KIF23: variants seen among roughly 807,000 people sequenced by gnomAD.
KIF23 encodes kinesin family member 23, also known as kinesin-like protein KIF23.
A neutral mutation model predicts 137.5 loss-of-function variants in KIF23; 30 were observed. The ratio of observed to expected loss-of-function variants is 0.22; its 90% CI spans 0.16 to 0.30. The LOEUF is 0.30. Among genes scored for constraint, KIF23 ranks in the 10% least tolerant of loss-of-function variants. The pLI is 1.00. For missense variants in KIF23, 920 were observed against 1,194.3 expected (o/e 0.77, Z 3.38); for synonymous variants, 367 against 391.1 (o/e 0.94, Z 0.73).
At position 69,446,113 on chromosome 15, in the gene KIF23, CTG is replaced by C. The variant is rs538195829; in HGVS notation, c.2756+24_2756+25del. ...ATGGGTAAGTAACCATCAAAAATCT[CTG>C]TATAAAAGTTGGTCATTTTCTTAGC... On this transcript the variant is annotated intron_variant, in intron 21 of 23. Coordinates refer to ENST00000679126, the MANE Select transcript of KIF23 (RefSeq NM_001367805.3). The C allele has an allele frequency of 1.7e-4, 274 of 1,599,414 alleles. 3 individuals are homozygous for C. The East Asian group carries it at 5.9e-3, about 34-fold the overall frequency.
intron 22 of KIF23, 105 bp downstream of exon 22, chr15:69,446,469 A>G: frequency 2.3e-6 from 2 of 851,660 alleles, no homozygotes; most frequent in South Asian, 3.2e-5. Context: ...CTGAGGTATA[A>G]TCTCACATTG....
In KIF23 at chr15:69,446,906, G is replaced by C; in HGVS notation, c.2874G>C (p.Gln958His). The C allele has an allele frequency of 6.2e-7, 1 of 1,614,222 alleles. No individual in the cohort carries two copies. Among genetic ancestry groups the C allele is most frequent in the Non-Finnish European group, 8.5e-7 (1 of 1,180,024 alleles). ...CTGTGGAGATGAGAGCAGGATCCCA[G>C]CTGGGACCTGGATATCAGCATCACG... The part of the protein sequence containing the change: ...SVAVEMRAGS[Q>H]LGPGYQHHAQ... Residue 958 changes from glutamine (Q) to histidine (H), a missense_variant, in exon 23 of 24, where the codon CAG (glutamine) becomes CAC (histidine). Around this residue, in one of 4 missense-constraint regions of KIF23, gnomAD observed 75 missense variants for 177.9 expected, o/e 0.42. Transcript: ENST00000679126.
At chr15:69,422,862 A>T (rs959860110) in intron 6 of KIF23, 1 of 298,730 alleles carries the variant, frequency 3.3e-6, no homozygotes, top group African/African-American at 2.3e-5. Flanking sequence ...GTGCAGTGGC[A>T]TGATCTCGGC....
chr15:69,429,978 C>T (rs934583447), intron 11 of KIF23, among the ~76,000 whole-genome samples: 5 of 152,034 alleles, frequency 3.3e-5, no homozygotes, highest in African/African-American at 9.7e-5. Flanking sequence ...GATCTCACCA[C>T]TGTACTCCAG....
At position 69,414,360 on chromosome 15, in the gene KIF23, C is replaced by T. The variant is rs1050173808; in HGVS notation, c.-106C>T. 17 of 1,486,758 alleles carry T rather than the reference C, an allele frequency of 1.1e-5. No individual in the cohort carries two copies. Among genetic ancestry groups the T allele is most frequent in the Non-Finnish European group, 1.5e-5 (16 of 1,098,496 alleles). The allele number at this position is 1,486,758 out of a possible 1,614,324, so 92.1% of individuals were successfully genotyped here. ...TCGCCGCCGGCTTCGCAGAGCACCG[C>T]GCCTTAGCCGCGAAGTTCTAGTTCT... is the stretch of plus-strand genomic sequence containing the variant. On this transcript the variant is annotated 5_prime_UTR_variant, in exon 1 of 24. Coordinates refer to ENST00000679126, the MANE Select transcript of KIF23 (RefSeq NM_001367805.3).
Position 69,447,818 on chromosome 15 carries a change from C to T in KIF23, c.*11C>T. On this transcript the variant is annotated 3_prime_UTR_variant, in exon 24 of 24. Coordinates refer to ENST00000679126, the MANE Select transcript of KIF23 (RefSeq NM_001367805.3). The stretch of plus-strand genomic sequence containing the variant: ...CGCAAAAAGCCATGAACTGACAGTC[C>T]CAGTACTGAAAGAACATTTTCATTT... 6.2e-7 allele frequency: 1 copy of T among 1,605,176 alleles called. No homozygotes were observed. Among genetic ancestry groups the T allele is most frequent in the Non-Finnish European group, 8.5e-7 (1 of 1,173,608 alleles).
intron 3 of KIF23, among the ~76,000 whole-genome samples, chr15:69,420,259 G>C (rs896973214): frequency 3.3e-5 from 5 of 151,306 alleles, no homozygotes; most frequent in Non-Finnish European, 7.4e-5. Context: ...GTGAGACTCT[G>C]TTTCAAAAAA....
chr15:69,434,876 G>A (rs1428452569), intron 11 of KIF23: 14 of 747,216 alleles, frequency 1.9e-5, no homozygotes, highest in African/African-American at 8.7e-5. Context: ...CCATAGCTGC[G>A]CGGCCATGCT....
rs186393489 is a variant in KIF23 at position 69,443,229 on chromosome 15, A to C, written c.2422-1561A>C. ...TAGCGAAAATGATTCAGTTCCTCAGATGTGCATTTTGAAATTGAGGTCTTC... is the reference window on the plus strand; with the variant it reads ...TAGCGAAAATGATTCAGTTCCTCAGCTGTGCATTTTGAAATTGAGGTCTTC... On this transcript the variant is annotated intron_variant, in intron 19 of 23. Transcript: ENST00000679126. Among the ~76,000 whole-genome samples, 754 of 149,208 alleles carry C rather than the reference A, an allele frequency of 5.1e-3. 8 individuals are homozygous for C. Among genetic ancestry groups the C allele is most frequent in the African/African-American group, 0.018 (732 of 40,842 alleles).
Position 69,423,239 on chromosome 15 carries a change from T to C in KIF23, c.644T>C (p.Val215Ala), listed in dbSNP as rs1303479679. Residue 215 changes from valine (V) to alanine (A), a missense_variant, in exon 7 of 24, where the codon GTC becomes GCC. Coordinates refer to ENST00000679126, the MANE Select transcript of KIF23 (RefSeq NM_001367805.3). ...GCAGAAGAGGTTGATGAAGATAGTG[T>C]CTATGGTGTATTTGTCTCTTATATT... ...CKAEEVDEDS[V>A]YGVFVSYIEI... 6.3e-7 allele frequency: 1 copy of C among 1,591,522 alleles called. No homozygotes were observed. Among genetic ancestry groups the C allele is most frequent in the South Asian group, 1.1e-5 (1 of 89,804 alleles).
At chr15:69,434,905 G>A (rs1365286659) in intron 11 of KIF23, 7 of 709,374 alleles carry the variant, frequency 9.9e-6, no homozygotes, top group Non-Finnish European at 1.7e-5. Flanking sequence ...ACCATGCCCA[G>A]CTCCAGCTCG....
intron 11 of KIF23, chr15:69,434,431 C>T: frequency 2.3e-6 from 1 of 426,240 alleles, no homozygotes; most frequent in Admixed American, 3.2e-5. Flanking sequence ...TTTTGTCTTT[C>T]TCCCTTCTCC....
intron 11 of KIF23, among the ~76,000 whole-genome samples, chr15:69,429,584 G>A (rs913717659): frequency 6.6e-6 from 1 of 152,134 alleles, no homozygotes; most frequent in African/African-American, 2.4e-5. Context: ...TGGGATTACA[G>A]GAATGAGCCA....
intron 11 of KIF23, 28 bp downstream of exon 11, chr15:69,429,241 G>A: frequency 1.3e-6 from 2 of 1,504,644 alleles, no homozygotes; most frequent in Non-Finnish European, 1.8e-6. Flanking sequence ...TTTATTTATT[G>A]CTACAACTTT....
chr15:69,414,484 C>T lies in KIF23; in HGVS notation c.11+8C>T. ...TGCTGCCATGAAGTCAGCGTGAGTA[C>T]GAGGCCGCCGAGCAGGGAGAGAGGG... On this transcript the variant is annotated splice_region_variant and intron_variant, in intron 1 of 23. Transcript: ENST00000679126. 1 of 1,577,822 alleles carries T rather than the reference C, an allele frequency of 6.3e-7. No individual in the cohort carries two copies. The highest frequency in any genetic ancestry group is 8.6e-7 in the Non-Finnish European group (1 of 1,161,944).
At chr15:69,431,903 G>A (rs545626037) in intron 11 of KIF23, among the ~76,000 whole-genome samples, 3 of 152,250 alleles carry the variant, frequency 2.0e-5, no homozygotes, top group Non-Finnish European at 4.4e-5. Flanking sequence ...GGCCTTTAGA[G>A]CTGCCTCTAC....
At chr15:69,442,784 C>T (rs2057651434) in intron 19 of KIF23, among the ~76,000 whole-genome samples, 1 of 152,188 alleles carries the variant, frequency 6.6e-6, no homozygotes, top group Non-Finnish European at 1.5e-5. Flanking sequence ...AGGGAATTTA[C>T]TAGAGATTCT....
chr15:69,416,954 T>TAAAC (rs1407908889), intron 2 of KIF23, among the ~76,000 whole-genome samples: 10 of 151,550 alleles, frequency 6.6e-5, no homozygotes, highest in Non-Finnish European at 1.5e-5. Context: ...TGTCTCTAAA[T>TAAAC]AAATAAATAA....
At chr15:69,446,655 A>G (rs566920375) in intron 22 of KIF23, 5 of 624,848 alleles carry the variant, frequency 8.0e-6, no homozygotes, top group Admixed American at 2.7e-5. Context: ...CTAAAATGAG[A>G]TAAGTTACCT....
Sources: allele counts gnomAD v4.1 joint callset (sites outside exome capture counted in the v4.1 genomes callset), GRCh38; gene constraint gnomAD v4.1.1; regional missense constraint gnomAD v4.1.1; transcripts MANE v1.5; gene names NCBI Gene and HGNC (gene_info 2026-07-23, HGNC 2026-07-21).